The following OSBPL8 variants were observed in gnomAD, a reference collection of about 807,000 sequenced individuals.
The protein encoded by OSBPL8 is oxysterol-binding protein-related protein 8.
In OSBPL8, 59 loss-of-function variants were observed where a neutral mutation model predicts 125.5. That is an observed-to-expected ratio of 0.47 (90% CI 0.38 to 0.58). The LOEUF (loss-of-function observed/expected upper bound fraction) is 0.58, where lower values mean the gene tolerates loss of function less well. Ranked by LOEUF, OSBPL8 falls within the 20% of genes least tolerant of loss-of-function variation. The pLI is 0.00. For missense variants in OSBPL8, 758 were observed against 1,047.8 expected (o/e 0.72, Z 3.82); for synonymous variants, 330 against 338.9 (o/e 0.97, Z 0.29).
At chr12:76,411,583 C>G (rs1954515500) in intron 4 of OSBPL8, among the ~76,000 whole-genome samples, 1 of 151,222 alleles carries the variant, frequency 6.6e-6, no homozygotes, top group Admixed American at 6.6e-5. Flanking sequence ...AATGTAACAG[C>G]TAAAAAAAAC....
chr12:76,520,629 G>C (rs1189487300), intron 1 of OSBPL8, among the ~76,000 whole-genome samples: 1 of 152,102 alleles, frequency 6.6e-6, no homozygotes, highest in East Asian at 1.9e-4. Flanking sequence ...GAGAATACAA[G>C]TAAGTCATAA....
At chr12:76,419,136 G>A (rs371812566) in intron 4 of OSBPL8, among the ~76,000 whole-genome samples, 3 of 151,798 alleles carry the variant, frequency 2.0e-5, no homozygotes, top group East Asian at 3.9e-4. Context: ...GTTGGGAGGT[G>A]GAAGCAGGTG....
chr12:76,419,630 C>A (rs1869214579), intron 4 of OSBPL8, among the ~76,000 whole-genome samples: 1 of 152,108 alleles, frequency 6.6e-6, no homozygotes, highest in African/African-American at 2.4e-5. Flanking sequence ...CTATAATATT[C>A]TCTTCATATA....
At chr12:76,515,359 T>C (rs1444434475) in intron 1 of OSBPL8, among the ~76,000 whole-genome samples, 25 of 152,198 alleles carry the variant, frequency 1.6e-4, no homozygotes, top group Admixed American at 1.6e-3. Flanking sequence ...GCCAAGGCTT[T>C]GTGCAGGATC....
intron 1 of OSBPL8, among the ~76,000 whole-genome samples, chr12:76,540,533 G>A (rs1000046194): frequency 6.6e-6 from 1 of 151,060 alleles, no homozygotes; most frequent in African/African-American, 2.5e-5. Context: ...TGTGTACAGA[G>A]AGAGAAATCT....
At position 76,354,474 on chromosome 12, in the gene OSBPL8, GCCT is replaced by G. The variant is rs199587946; in HGVS notation, c.*1412_*1414del. On this transcript the variant is annotated 3_prime_UTR_variant, in exon 24 of 24. Coordinates refer to ENST00000261183, the MANE Select transcript of OSBPL8 (RefSeq NM_020841.5). ...ACGATTATAATTTTACTATTTCACA[GCCT>G]CCTCCTACTGAAAGGCAAATGTGGT... 2.9e-3 allele frequency: 442 copies of G among 151,640 alleles called. 2 individuals are homozygous for G. The highest frequency in any genetic ancestry group is 0.01 in the African/African-American group (425 of 41,404). 9.4% of individuals were successfully genotyped at this position (151,640 alleles called of 1,614,324 possible). A position where few individuals can be genotyped will look rare whatever the true frequency, so the allele number is the denominator to read the frequency against.
At position 76,402,899 on chromosome 12, in the gene OSBPL8, A is replaced by G; in HGVS notation, c.289-133T>C. On this transcript the variant is annotated intron_variant, in intron 5 of 23. Transcript: ENST00000261183. The stretch of plus-strand genomic sequence containing the variant: ...TTAAGCAAATGTCAATTTTCAATAG[A>G]ATTTTCCCTATATGTCTTTAAAAAT... 3 of 650,886 alleles carry G rather than the reference A, an allele frequency of 4.6e-6. No individual in the cohort carries two copies. In the South Asian group the frequency reaches 5.9e-5, roughly 13 times the overall value. 40.3% of individuals were successfully genotyped at this position (650,886 alleles called of 1,614,324 possible). A position where few individuals can be genotyped will look rare whatever the true frequency, so the allele number is the denominator to read the frequency against.
chr12:76,548,059 C>T (rs1248058010), intron 1 of OSBPL8, among the ~76,000 whole-genome samples: 1 of 152,078 alleles, frequency 6.6e-6, no homozygotes, highest in Non-Finnish European at 1.5e-5. Context: ...GTTCAATAGG[C>T]TCTGTTTCTT....
intron 1 of OSBPL8, among the ~76,000 whole-genome samples, chr12:76,528,761 G>A (rs958015852): frequency 6.6e-6 from 1 of 151,970 alleles, no homozygotes; most frequent in East Asian, 1.9e-4. Flanking sequence ...GGCTGAGGTG[G>A]GACAATCACT....
intron 8 of OSBPL8, among the ~76,000 whole-genome samples, chr12:76,395,262 CGTT>C (rs1953743322): frequency 6.6e-6 from 1 of 152,002 alleles, no homozygotes; most frequent in Admixed American, 6.6e-5. Flanking sequence ...GAAATTCTGT[CGTT>C]GTTGTTGGCT....
intron 20 of OSBPL8, 29 bp from the exon 21 acceptor site, chr12:76,369,330 T>C: frequency 1.3e-6 from 2 of 1,565,374 alleles, no homozygotes; most frequent in Non-Finnish European, 1.7e-6. Context: ...AAAAAACCAT[T>C]TGCTCAATGA....
In OSBPL8 at chr12:76,392,546, G is replaced by T. The variant is rs749730929; in HGVS notation, c.929+35C>A. The T allele has an allele frequency of 1.9e-6, 3 of 1,573,760 alleles. No homozygotes were observed. The East Asian group carries it at 6.8e-5, about 36-fold the overall frequency. ...TAATTTTGTGAACAGTATGGTCTCTGAAACATTACCAACTCAGCGGCAGTA... is the reference window on the plus strand; with the variant it reads ...TAATTTTGTGAACAGTATGGTCTCTTAAACATTACCAACTCAGCGGCAGTA... On this transcript the variant is annotated intron_variant, in intron 10 of 23. Coordinates refer to ENST00000261183, the MANE Select transcript of OSBPL8 (RefSeq NM_020841.5).
At chr12:76,404,940 C>G (rs1565869134) in intron 5 of OSBPL8, among the ~76,000 whole-genome samples, 1 of 152,100 alleles carries the variant, frequency 6.6e-6, no homozygotes, top group Admixed American at 6.6e-5. Flanking sequence ...ATACTCAAAG[C>G]AAACTTAGGA....
At chr12:76,361,868 A>G (rs1361398644) in intron 21 of OSBPL8, among the ~76,000 whole-genome samples, 5 of 152,186 alleles carry the variant, frequency 3.3e-5, no homozygotes, top group Non-Finnish European at 5.9e-5. Context: ...TGGGAGTACA[A>G]TTCAAGATGA....
chr12:76,360,074 T>G (rs1952140505), intron 21 of OSBPL8, among the ~76,000 whole-genome samples: 1 of 152,134 alleles, frequency 6.6e-6, no homozygotes, highest in Non-Finnish European at 1.5e-5. Context: ...ATTTCAGCAT[T>G]AACCCAAAAG....
intron 1 of OSBPL8, among the ~76,000 whole-genome samples, chr12:76,532,880 A>C (rs1950386213): frequency 6.6e-6 from 1 of 152,194 alleles, no homozygotes; most frequent in South Asian, 2.1e-4. Context: ...AGATCCCTAA[A>C]GCTGTTCAAA....
chr12:76,482,835 A>G (rs1335177993), intron 2 of OSBPL8, among the ~76,000 whole-genome samples: 1 of 152,248 alleles, frequency 6.6e-6, no homozygotes, highest in Non-Finnish European at 1.5e-5. Flanking sequence ...GTTGTGTGGC[A>G]TATAAGTACC....
intron 1 of OSBPL8, 43 bp from the exon 2 acceptor site, chr12:76,487,661 G>C: frequency 1.4e-6 from 1 of 700,306 alleles, no homozygotes; most frequent in Non-Finnish European, 2.1e-6. Context: ...GTATAAAACT[G>C]TGACAAGTAG....
At chr12:76,491,982 T>C (rs904546237) in intron 1 of OSBPL8, among the ~76,000 whole-genome samples, 5 of 152,150 alleles carry the variant, frequency 3.3e-5, no homozygotes, top group African/African-American at 9.7e-5. Context: ...ACTGACCACT[T>C]TGAATACATC....
Sources: gnomAD v4.1 joint callset for allele counts (sites outside exome capture counted in the v4.1 genomes callset) on GRCh38, gnomAD v4.1.1 for gene constraint, MANE v1.5 for transcripts, NCBI Gene and HGNC (gene_info 2026-07-23, HGNC 2026-07-21) for gene names.